DACH1: variants seen among roughly 807,000 people sequenced by gnomAD.
The protein encoded by DACH1 is dachshund homolog 1.
A neutral mutation model predicts 54.2 loss-of-function variants in DACH1; 12 were observed. The observed-to-expected ratio is 0.22, with a 90% CI of 0.14 to 0.36. The LOEUF (loss-of-function observed/expected upper bound fraction) is 0.36. DACH1 is among the 10% of genes least tolerant of loss of function. The pLI, the probability that DACH1 is intolerant of heterozygous loss-of-function variation, is 1.00. For missense variants in DACH1, 805 were observed against 929.8 expected (o/e 0.87, Z 1.75); for synonymous variants, 386 against 366.2 (o/e 1.05, Z -0.62).
At chr13:71,510,966 T>C (rs1431861714) in intron 6 of DACH1, among the ~76,000 whole-genome samples, 3 of 152,072 alleles carry the variant, frequency 2.0e-5, no homozygotes, top group Non-Finnish European at 4.4e-5. Context: ...TGAGTAATTT[T>C]CCTAATATTA....
intron 10 of DACH1, among the ~76,000 whole-genome samples, chr13:71,474,400 C>T (rs145562608): frequency 2.4e-4 from 37 of 152,162 alleles, no homozygotes; most frequent in African/African-American, 8.7e-4. Context: ...TGAAGAATCA[C>T]CTTCATTTTA....
rs372249372 is a variant in DACH1 at position 71,573,024 on chromosome 13, G to T, written c.1127-12C>A. The T allele has an allele frequency of 7.4e-6, 12 of 1,612,238 alleles. 1 individual carries two copies. The highest frequency in any genetic ancestry group is 1.7e-4 in the Middle Eastern group (1 of 6,040). ...AGGAAGTTCCAGTCCTATAAAAAAT[G>T]CACATATATCATCATTGCTCTGGAG... On this transcript the variant is annotated splice_polypyrimidine_tract_variant and intron_variant, in intron 3 of 10. Coordinates refer to ENST00000613252, the MANE Select transcript of DACH1 (RefSeq NM_080759.6).
At chr13:71,525,720 C>T (rs1881907686) in intron 6 of DACH1, among the ~76,000 whole-genome samples, 1 of 152,090 alleles carries the variant, frequency 6.6e-6, no homozygotes, top group African/African-American at 2.4e-5. Flanking sequence ...ATCTACTTCA[C>T]TGTTTCTTCA....
At chr13:71,597,402 CAAAT>C (rs1206608312) in intron 3 of DACH1, among the ~76,000 whole-genome samples, 5 of 152,056 alleles carry the variant, frequency 3.3e-5, no homozygotes, top group South Asian at 4.1e-4. Context: ...AAATGAAAAA[CAAAT>C]AAAACAGCTG....
intron 1 of DACH1, among the ~76,000 whole-genome samples, chr13:71,690,270 C>T (rs1280112612): frequency 6.6e-6 from 1 of 152,240 alleles, no homozygotes; most frequent in Non-Finnish European, 1.5e-5. Flanking sequence ...TTATGTTTAC[C>T]TTTCTATAGC....
At chr13:71,749,753 A>T (rs914561779) in intron 1 of DACH1, among the ~76,000 whole-genome samples, 4 of 152,166 alleles carry the variant, frequency 2.6e-5, no homozygotes, top group African/African-American at 9.6e-5. Flanking sequence ...CCATTCTGTG[A>T]ACCCGACTAA....
intron 10 of DACH1, among the ~76,000 whole-genome samples, chr13:71,462,716 C>T (rs1348810477): frequency 6.6e-6 from 1 of 151,950 alleles, no homozygotes; most frequent in African/African-American, 2.4e-5. Flanking sequence ...AACAATTTCA[C>T]AAATAAAATG....
chr13:71,496,832 T>C (rs1351450145), intron 6 of DACH1, among the ~76,000 whole-genome samples: 1 of 152,240 alleles, frequency 6.6e-6, no homozygotes, highest in Non-Finnish European at 1.5e-5. Context: ...TATATATCTA[T>C]GCTGATGCAT....
intron 3 of DACH1, among the ~76,000 whole-genome samples, chr13:71,596,967 T>C (rs1454688403): frequency 6.6e-6 from 1 of 152,202 alleles, no homozygotes; most frequent in Non-Finnish European, 1.5e-5. Flanking sequence ...ATATATTGCA[T>C]GTAAATTTAA....
intron 2 of DACH1, among the ~76,000 whole-genome samples, chr13:71,631,416 GA>G (rs1877093356): frequency 6.6e-6 from 1 of 152,118 alleles, no homozygotes; most frequent in Admixed American, 6.6e-5. Flanking sequence ...CCCTGCACTG[GA>G]ATGGTCTGTT....
intron 1 of DACH1, among the ~76,000 whole-genome samples, chr13:71,744,028 T>C (rs1884508303): frequency 6.6e-6 from 1 of 152,128 alleles, no homozygotes; most frequent in Non-Finnish European, 1.5e-5. Context: ...AGAGGACAGA[T>C]AAGGTGTAAA....
chr13:71,622,588 T>C (rs1876327013), intron 3 of DACH1, among the ~76,000 whole-genome samples: 1 of 151,872 alleles, frequency 6.6e-6, no homozygotes, highest in South Asian at 2.1e-4. Flanking sequence ...TTACTTTCTT[T>C]ACAAACTTTA....
At chr13:71,815,661 A>G (rs1347910136) in intron 1 of DACH1, among the ~76,000 whole-genome samples, 3 of 152,246 alleles carry the variant, frequency 2.0e-5, no homozygotes, top group African/African-American at 7.2e-5. Context: ...TTTCCCAAGT[A>G]ATTAAAACTC....
chr13:71,720,923 T>C (rs1363562558), intron 1 of DACH1, among the ~76,000 whole-genome samples: 1 of 152,166 alleles, frequency 6.6e-6, no homozygotes, highest in South Asian at 2.1e-4. Context: ...TGTCATCACA[T>C]ACTGAAAGGA....
At chr13:71,633,100 T>C (rs1306277975) in intron 2 of DACH1, among the ~76,000 whole-genome samples, 2 of 152,196 alleles carry the variant, frequency 1.3e-5, no homozygotes, top group Admixed American at 6.5e-5. Flanking sequence ...CAGGGAAAAC[T>C]TGTTCACAGT....
Position 71,866,335 on chromosome 13 carries a change from ACTGCTGCTG to A in DACH1, c.426_434del (p.Ser161_Ser163del), listed in dbSNP as rs752226499. The A allele has an allele frequency of 7.3e-6, 11 of 1,509,984 alleles. No individual in the cohort carries two copies. In the Admixed American group the frequency reaches 8.0e-5, roughly 11 times the overall value. The allele number at this position is 1,509,984 out of a possible 1,614,324, so 93.5% of individuals were successfully genotyped here. On this transcript the variant is annotated inframe_deletion, in exon 1 of 11. Coordinates refer to ENST00000613252, the MANE Select transcript of DACH1 (RefSeq NM_080759.6). Reference sequence around the variant, plus strand: ...TACTGCTGCTGCTGCTGCTGCTGCTACTGCTGCTGCTGCTGCTGCCGGTGCTGGCGTTGA... The same window carrying A: ...TACTGCTGCTGCTGCTGCTGCTGCTACTGCTGCTGCCGGTGCTGGCGTTGA...
chr13:71,782,934 A>C (rs1157672500), intron 1 of DACH1, among the ~76,000 whole-genome samples: 1 of 152,174 alleles, frequency 6.6e-6, no homozygotes, highest in African/African-American at 2.4e-5. Flanking sequence ...ATTTTTTAAA[A>C]ATTATTCCTC....
chr13:71,448,374 C>A (rs1051884864), intron 10 of DACH1, among the ~76,000 whole-genome samples: 1 of 151,908 alleles, frequency 6.6e-6, no homozygotes, highest in Non-Finnish European at 1.5e-5. Context: ...CCAAAGCAAG[C>A]GATGAAAACA....
intron 10 of DACH1, among the ~76,000 whole-genome samples, chr13:71,467,215 T>C (rs1876659763): frequency 6.6e-6 from 1 of 151,336 alleles, no homozygotes; most frequent in Non-Finnish European, 1.5e-5. Context: ...GCATATCCAG[T>C]TACATTAAAA....
Sources: allele counts gnomAD v4.1 joint callset (sites outside exome capture counted in the v4.1 genomes callset), GRCh38; gene constraint gnomAD v4.1.1; transcripts MANE v1.5; gene names NCBI Gene and HGNC (gene_info 2026-07-23, HGNC 2026-07-21).